Variants in PTPN14 observed in about 807,000 individuals in gnomAD.
PTPN14 encodes the protein protein tyrosine phosphatase non-receptor type 14.
A neutral mutation model predicts 126.8 loss-of-function variants in PTPN14; 53 were observed. The ratio of observed to expected loss-of-function variants is 0.42; its 90% confidence interval spans 0.34 to 0.53. PTPN14 has a LOEUF of 0.53. PTPN14 is among the 20% of genes least tolerant of loss of function. The probability of loss-of-function intolerance (pLI) is 0.08; values close to 1 mark genes in which losing one functional copy is unlikely to be tolerated. For synonymous variants in PTPN14, 630 were observed against 599.3 expected (o/e 1.05, Z -0.75); for missense variants, 1,257 against 1,552.9 (o/e 0.81, Z 3.20).
At position 214,355,959 on chromosome 1, in the gene PTPN14, C is replaced by CTTTTTTTTTTTTTT. The variant is rs58372033; in HGVS notation, c.*1949_*1962dup. Reference sequence around the variant, plus strand: ...TAGTTTTTCTTGACAACCTTTTTTCCTTTTTTTTTTTTTTTTTTGGAGGCA... The same window carrying CTTTTTTTTTTTTTT: ...TAGTTTTTCTTGACAACCTTTTTTCCTTTTTTTTTTTTTTTTTTTTTTTTTTTTTTTTGGAGGCA... On this transcript the variant is annotated 3_prime_UTR_variant, in exon 19 of 19. Transcript: ENST00000366956. The CTTTTTTTTTTTTTT allele has an allele frequency of 3.0e-5, 3 of 101,684 alleles. No homozygotes were observed. Among genetic ancestry groups the CTTTTTTTTTTTTTT allele is most frequent in the South Asian group, 6.5e-4 (2 of 3,068 alleles). 6.3% of individuals were successfully genotyped at this position (101,684 alleles called of 1,614,324 possible).
intron 1 of PTPN14, among the ~76,000 whole-genome samples, chr1:214,468,826 G>A (rs1660695331): frequency 1.3e-5 from 2 of 152,088 alleles, no homozygotes; most frequent in Non-Finnish European, 2.9e-5. Flanking sequence ...CTCTTTCTAT[G>A]GACTTCTCTG....
chr1:214,446,806 C>T (rs926241254), intron 3 of PTPN14, among the ~76,000 whole-genome samples: 2 of 151,972 alleles, frequency 1.3e-5, no homozygotes, highest in African/African-American at 4.8e-5. Context: ...GAAGAAATGG[C>T]TGGTCATGAC....
intron 17 of PTPN14, among the ~76,000 whole-genome samples, chr1:214,367,063 T>C (rs1013919839): frequency 6.6e-6 from 1 of 152,138 alleles, no homozygotes; most frequent in Non-Finnish European, 1.5e-5. Context: ...TAAAAGACTA[T>C]ACTTTAAAGT....
intron 1 of PTPN14, among the ~76,000 whole-genome samples, chr1:214,498,664 T>C (rs554799856): frequency 1.2e-4 from 18 of 152,220 alleles, no homozygotes; most frequent in African/African-American, 4.3e-4. Context: ...CACAAGAAAA[T>C]GTGTTCAAAG....
At chr1:214,509,235 T>C (rs1339829457) in intron 1 of PTPN14, among the ~76,000 whole-genome samples, 1 of 152,252 alleles carries the variant, frequency 6.6e-6, no homozygotes, top group Non-Finnish European at 1.5e-5. Context: ...TGTTATTTAG[T>C]GTAGCCACCT....
chr1:214,445,173 T>C (rs576001310), intron 3 of PTPN14, among the ~76,000 whole-genome samples: 13 of 152,196 alleles, frequency 8.5e-5, no homozygotes, highest in Non-Finnish European at 1.8e-4. Context: ...AGATGTACAA[T>C]AGATCACTGA....
chr1:214,355,263 A>G lies in PTPN14; in HGVS notation c.*2659T>C, dbSNP rs756781711. 5.3e-5 allele frequency: 8 copies of G among 152,208 alleles called. No individual in the cohort carries two copies. The highest frequency in any genetic ancestry group is 1.9e-4 in the African/African-American group (8 of 41,452). 9.4% of individuals were successfully genotyped at this position (152,208 alleles called of 1,614,324 possible). A position where few individuals can be genotyped will look rare whatever the true frequency, so the allele number is the denominator to read the frequency against. On this transcript the variant is annotated 3_prime_UTR_variant, in exon 19 of 19. Coordinates refer to ENST00000366956, the MANE Select transcript of PTPN14 (RefSeq NM_005401.5). The stretch of plus-strand genomic sequence containing the variant: ...ATTTCAGGGAAGCCCATGAGCTCTG[A>G]CGACCTCAAAGACGCACCAGATCTA...
chr1:214,354,385 C>G lies in PTPN14; in HGVS notation c.*3537G>C, dbSNP rs1657768789. 6.6e-6 allele frequency: 1 copy of G among 152,222 alleles called. No homozygotes were observed. The highest frequency in any genetic ancestry group is 1.5e-5 in the Non-Finnish European group (1 of 68,040). The allele number at this position is 152,222 out of a possible 1,614,324, so 9.4% of individuals were successfully genotyped here. ...TCATTCATCTTTACTCCTATGTAAT[C>G]AATGTTTAACATCCTTTTTTCATGC... On this transcript the variant is annotated 3_prime_UTR_variant, in exon 19 of 19. Transcript: ENST00000366956.
chr1:214,482,759 GA>G (rs1661022174), intron 1 of PTPN14: 1 of 1,564,154 alleles, frequency 6.4e-7, no homozygotes, highest in Admixed American at 1.8e-5. Context: ...GGTAAACTTA[GA>G]TGACTCTTCC....
At chr1:214,398,703 G>A (rs1367816009) in intron 7 of PTPN14, among the ~76,000 whole-genome samples, 1 of 149,766 alleles carries the variant, frequency 6.7e-6, no homozygotes, top group Non-Finnish European at 1.5e-5. Context: ...AAAGTGTTGG[G>A]ATTACAGGTG....
intron 3 of PTPN14, among the ~76,000 whole-genome samples, chr1:214,437,909 T>C (rs770697247): frequency 3.3e-5 from 5 of 152,196 alleles, no homozygotes; most frequent in Non-Finnish European, 5.9e-5. Context: ...GAATCACCCA[T>C]GGCAATGATC....
chr1:214,390,941 A>G (rs1322089727), intron 11 of PTPN14, 47 bp downstream of exon 11: 1 of 1,381,128 alleles, frequency 7.2e-7, no homozygotes, highest in South Asian at 1.6e-5. Flanking sequence ...AATAACAAAG[A>G]ATGCTCAACA....
Position 214,384,283 on chromosome 1 carries a change from TACC to T in PTPN14, c.1569_1571del (p.Val524del), listed in dbSNP as rs1243130395. On this transcript the variant is annotated inframe_deletion, in exon 13 of 19. Coordinates refer to ENST00000366956, the MANE Select transcript of PTPN14 (RefSeq NM_005401.5). This position sits in a 1 kb window ranked among gnomAD's most constrained non-coding sequence, Gnocchi z 5.3. ...TGGCGCTTGCCCCCGGCTTGCTTGGTACCACATTATTCTTTGGGTTCCTCTGGT... is the reference window on the plus strand; with the variant it reads ...TGGCGCTTGCCCCCGGCTTGCTTGGTACATTATTCTTTGGGTTCCTCTGGT... 1.9e-6 allele frequency: 3 copies of T among 1,614,152 alleles called. No homozygotes were observed. The highest frequency in any genetic ancestry group is 1.7e-5 in the Admixed American group (1 of 60,022).
At chr1:214,524,777 A>AT (rs1655346450) in intron 1 of PTPN14, among the ~76,000 whole-genome samples, 1 of 152,248 alleles carries the variant, frequency 6.6e-6, no homozygotes, top group South Asian at 2.1e-4. Context: ...AATCTCTAAC[A>AT]TATCAGCTAT....
intron 1 of PTPN14, among the ~76,000 whole-genome samples, chr1:214,509,784 T>C (rs1654926743): frequency 6.6e-6 from 1 of 152,200 alleles, no homozygotes; most frequent in African/African-American, 2.4e-5. Context: ...GTGGCACATA[T>C]ACACCATGGA....
At chr1:214,393,285 C>A (rs1316025843) in intron 10 of PTPN14, among the ~76,000 whole-genome samples, 1 of 152,196 alleles carries the variant, frequency 6.6e-6, no homozygotes, top group Non-Finnish European at 1.5e-5. Flanking sequence ...CGACACGGGG[C>A]TGAGGATGAC....
At chr1:214,437,930 T>A (rs1159521671) in intron 3 of PTPN14, among the ~76,000 whole-genome samples, 1 of 152,196 alleles carries the variant, frequency 6.6e-6, no homozygotes, top group Non-Finnish European at 1.5e-5. Flanking sequence ...AAAAACAGAT[T>A]TTGATTCAGG....
intron 1 of PTPN14, among the ~76,000 whole-genome samples, chr1:214,545,449 C>G (rs1435374436): frequency 1.3e-5 from 2 of 152,104 alleles, no homozygotes; most frequent in African/African-American, 4.8e-5. Flanking sequence ...TGACATTAAT[C>G]CCTTCATGAA....
At chr1:214,401,486 G>C (rs1659017034) in intron 7 of PTPN14, among the ~76,000 whole-genome samples, 199 bp downstream of exon 7, 1 of 152,210 alleles carries the variant, frequency 6.6e-6, no homozygotes, top group Admixed American at 6.5e-5. Context: ...GAACTATTCT[G>C]CTGAGGACCA....
Sources: allele counts gnomAD v4.1 joint callset (sites outside exome capture counted in the v4.1 genomes callset), GRCh38; gene constraint gnomAD v4.1.1; non-coding constraint Gnocchi (gnomAD v3.1); transcripts MANE v1.5; gene names NCBI Gene and HGNC (gene_info 2026-07-23, HGNC 2026-07-21).